The following HNF1A variants were observed in gnomAD, a reference collection of about 807,000 sequenced individuals.
HNF1A encodes HNF1 homeobox A.
In HNF1A, 21 loss-of-function variants were observed where a neutral mutation model predicts 62.2. That is an observed-to-expected ratio of 0.34 (90% CI 0.24 to 0.49). The LOEUF is 0.49. Ranked by LOEUF, HNF1A falls within the 20% of genes least tolerant of loss-of-function variation. HNF1A has a pLI of 0.99. For missense variants in HNF1A, 687 were observed against 832.3 expected, an observed-to-expected ratio of 0.83 and a Z score of 2.15; for synonymous variants, 374 against 366.8, an observed-to-expected ratio of 1.02 and a Z score of -0.22.
chr12:120,990,687 G>GA, intron 2 of HNF1A, among the ~76,000 whole-genome samples: 1 of 150,840 alleles, frequency 6.6e-6, no homozygotes, highest in African/African-American at 2.5e-5. Context: ...AGGGAGGAAG[G>GA]AAGGAAGGAA....
rs1231588095 is a variant in HNF1A at position 120,978,603 on chromosome 12, G to A, written c.-166G>A. ...TTCACGGGCCGCTGGGGCCAGGGTT[G>A]GGGGTTGGGGGTGCCCACAGGGCTT... On this transcript the variant is annotated 5_prime_UTR_variant, in exon 1 of 10. Transcript: ENST00000257555. 2.9e-6 allele frequency: 2 copies of A among 692,208 alleles called. No individual in the cohort carries two copies. Among genetic ancestry groups the A allele is most frequent in the South Asian group, 1.6e-5 (1 of 62,814 alleles). The allele number at this position is 692,208 out of a possible 1,614,324, so 42.9% of individuals were successfully genotyped here. A position where few individuals can be genotyped will look rare whatever the true frequency, so the allele number is the denominator to read the frequency against.
At position 121,001,197 on chromosome 12, in the gene HNF1A, G is replaced by T. The variant is rs112986697; in HGVS notation, c.*5G>T. 5 of 1,613,844 alleles carry T rather than the reference G, an allele frequency of 3.1e-6. No homozygotes were observed. Among genetic ancestry groups the T allele is most frequent in the South Asian group, 1.1e-5 (1 of 91,056 alleles). ...ATGGCCTCTTCCTCCCAGTAACCAC[G>T]GCACCTGGGCCCTGGGGCCTGTACT... On this transcript the variant is annotated 3_prime_UTR_variant, in exon 10 of 10. Coordinates refer to ENST00000257555, the MANE Select transcript of HNF1A (RefSeq NM_000545.8).
At position 121,001,508 on chromosome 12, in the gene HNF1A, T is replaced by C. The variant is rs1877481262; in HGVS notation, c.*316T>C. On this transcript the variant is annotated 3_prime_UTR_variant, in exon 10 of 10. Transcript: ENST00000257555. The stretch of plus-strand genomic sequence containing the variant: ...ACTTGGAACTGAAGGGGGCGGCCTA[T>C]GACTTGGGCACCCCCAGCCTGGGCC... 1 of 458,714 alleles carries C rather than the reference T, an allele frequency of 2.2e-6. No individual in the cohort carries two copies. The highest frequency in any genetic ancestry group is 4.1e-6 in the Non-Finnish European group (1 of 244,882). 28.4% of individuals were successfully genotyped at this position (458,714 alleles called of 1,614,324 possible).
intron 2 of HNF1A, 146 bp from the exon 3 acceptor site, chr12:120,993,374 T>C (rs1876922564): frequency 1.3e-6 from 1 of 762,896 alleles, no homozygotes; most frequent in East Asian, 2.7e-5. Flanking sequence ...TTGTCATCAG[T>C]AGATTAGATG....
At chr12:120,979,175 T>A in intron 1 of HNF1A, 81 bp downstream of exon 1, 1 of 1,278,766 alleles carries the variant, frequency 7.8e-7, no homozygotes. Flanking sequence ...CCCTTCTGAG[T>A]TGAGTCCCCA....
At position 120,979,137 on chromosome 12, in the gene HNF1A, G is replaced by A. The variant is rs752900746; in HGVS notation, c.326+43G>A. ...GTCCCCGCTCCCAGGAGAGCCTAGA[G>A]GGGCCCCCCTCAGCTCCTAACGAGC... is the stretch of plus-strand genomic sequence containing the variant. On this transcript the variant is annotated intron_variant, in intron 1 of 9. Coordinates refer to ENST00000257555, the MANE Select transcript of HNF1A (RefSeq NM_000545.8). 27 of 1,553,880 alleles carry A rather than the reference G, an allele frequency of 1.7e-5. No individual in the cohort carries two copies. In the Admixed American group the frequency reaches 2.2e-4, roughly 13 times the overall value.
chr12:120,986,735 A>AT (rs1252879044), intron 1 of HNF1A, among the ~76,000 whole-genome samples: 1 of 152,140 alleles, frequency 6.6e-6, no homozygotes, highest in African/African-American at 2.4e-5. Context: ...ACCTGCCACA[A>AT]TATCTGACTT....
intron 1 of HNF1A, among the ~76,000 whole-genome samples, chr12:120,985,856 A>G (rs9738226): frequency 0.62 from 93,122 of 151,220 alleles, 28,857 homozygotes; most frequent in African/African-American, 0.69. Context: ...GTGGTAGCGC[A>G]CACCTGTAAT....
rs570317403 is a variant in HNF1A, at chr12:120,999,121, A to G, written c.1502-147A>G. ...GTCTGTCCCTTTATCTGGAGCCTCC[A>G]GTTTTGAAAATCAGCCCTGGATCTC... is the stretch of plus-strand genomic sequence containing the variant. On this transcript the variant is annotated intron_variant, in intron 7 of 9. Coordinates refer to ENST00000257555, the MANE Select transcript of HNF1A (RefSeq NM_000545.8). 745 of 935,596 alleles carry G rather than the reference A, an allele frequency of 8.0e-4. 9 individuals are homozygous for G. In the African/African-American group the frequency reaches 0.011, roughly 13 times the overall value. The allele number at this position is 935,596 out of a possible 1,614,324, so 58.0% of individuals were successfully genotyped here. A position where few individuals can be genotyped will look rare whatever the true frequency, so the allele number is the denominator to read the frequency against.
chr12:120,996,466 A>G lies in HNF1A; in HGVS notation c.1107+53A>G. 1 of 1,613,790 alleles carries G rather than the reference A, an allele frequency of 6.2e-7. No individual in the cohort carries two copies. The highest frequency in any genetic ancestry group is 8.5e-7 in the Non-Finnish European group (1 of 1,179,958). Reference sequence around the variant, plus strand: ...CCAACCTCATCTTTCCTTGGCAGGGAGATTCTGGAGCAGTCCCTAGGGAGG... The same window carrying G: ...CCAACCTCATCTTTCCTTGGCAGGGGGATTCTGGAGCAGTCCCTAGGGAGG... On this transcript the variant is annotated intron_variant, in intron 5 of 9. Coordinates refer to ENST00000257555, the MANE Select transcript of HNF1A (RefSeq NM_000545.8). The surrounding 1 kb of genome is among the most constrained non-coding windows in gnomAD (Gnocchi z 4.5).
Position 121,001,396 on chromosome 12 carries a change from G to C in HNF1A, c.*204G>C. On this transcript the variant is annotated 3_prime_UTR_variant, in exon 10 of 10. Coordinates refer to ENST00000257555, the MANE Select transcript of HNF1A (RefSeq NM_000545.8). Reference sequence around the variant, plus strand: ...CCGTGGAGGCTGCTCGGGGTGCACAGGAGGGGGTCGTGGAGAGCTAGGAGC... The same window carrying C: ...CCGTGGAGGCTGCTCGGGGTGCACACGAGGGGGTCGTGGAGAGCTAGGAGC... The C allele has an allele frequency of 1.6e-6, 1 of 619,506 alleles. No homozygotes were observed. The highest frequency in any genetic ancestry group is 2.8e-6 in the Non-Finnish European group (1 of 354,708). The allele number at this position is 619,506 out of a possible 1,614,324, so 38.4% of individuals were successfully genotyped here. A position where few individuals can be genotyped will look rare whatever the true frequency, so the allele number is the denominator to read the frequency against.
At chr12:120,999,697 G>A (rs1055607653) in intron 9 of HNF1A, 70 bp downstream of exon 9, 10 of 1,540,006 alleles carry the variant, frequency 6.5e-6, no homozygotes, top group Admixed American at 1.8e-5. Context: ...CACCCCTTCT[G>A]TTGCTGTCCG....
chr12:120,992,111 T>G (rs1233650696), intron 2 of HNF1A, among the ~76,000 whole-genome samples: 1 of 152,230 alleles, frequency 6.6e-6, no homozygotes, highest in Non-Finnish European at 1.5e-5. Flanking sequence ...CAAATGGATT[T>G]AAACAGAAAA....
rs1045819255 is a variant in HNF1A at position 121,002,282 on chromosome 12, T to G, written c.*1090T>G. 4.5e-6 allele frequency: 2 copies of G among 441,610 alleles called. No individual in the cohort carries two copies. Among genetic ancestry groups the G allele is most frequent in the Non-Finnish European group, 8.6e-6 (2 of 232,650 alleles). 27.4% of individuals were successfully genotyped at this position (441,610 alleles called of 1,614,324 possible). A position where few individuals can be genotyped will look rare whatever the true frequency, so the allele number is the denominator to read the frequency against. On this transcript the variant is annotated 3_prime_UTR_variant, in exon 10 of 10. Transcript: ENST00000257555. ...CAGTTCGCAGCCACCCTGAGGAGTC[T>G]GAGGTCCTGAGCACTGCCAGGAGGG...
At chr12:120,993,342 T>C (rs1439668164) in intron 2 of HNF1A, among the ~76,000 whole-genome samples, 178 bp from the exon 3 acceptor site, 1 of 152,178 alleles carries the variant, frequency 6.6e-6, no homozygotes, top group Non-Finnish European at 1.5e-5. Flanking sequence ...GTTAAGAAAG[T>C]GATGGCATGT....
chr12:120,986,124 C>T (rs183797204), intron 1 of HNF1A, among the ~76,000 whole-genome samples: 1 of 152,208 alleles, frequency 6.6e-6, no homozygotes, highest in Non-Finnish European at 1.5e-5. Context: ...CTGGAAGGAA[C>T]CAGAGTCCCC....
intron 7 of HNF1A, 103 bp from the exon 8 acceptor site, chr12:120,999,165 G>T: frequency 1.4e-6 from 2 of 1,384,352 alleles, no homozygotes; most frequent in East Asian, 2.3e-5. Context: ...GCCCAGTCTG[G>T]CTGTTCAGCA....
chr12:120,988,104 CA>C (rs1876612414), intron 1 of HNF1A, among the ~76,000 whole-genome samples: 1 of 7,700 alleles, frequency 1.3e-4, no homozygotes, highest in African/African-American at 2.2e-4. Flanking sequence ...TCCATCCATT[CA>C]TCCAACCATC....
chr12:120,999,999 A>G (rs11065388), intron 9 of HNF1A, among the ~76,000 whole-genome samples: 20,648 of 152,262 alleles, frequency 0.14, 1,535 homozygotes, highest in East Asian at 0.24. Flanking sequence ...TGTTGCCAAC[A>G]TTTCAAAATC....
Sources: allele counts gnomAD v4.1 joint callset (sites outside exome capture counted in the v4.1 genomes callset), GRCh38; gene constraint gnomAD v4.1.1; non-coding constraint Gnocchi (gnomAD v3.1); transcripts MANE v1.5; gene names NCBI Gene and HGNC (gene_info 2026-07-23, HGNC 2026-07-21).